Variants in TOPBP1 observed in about 807,000 individuals in gnomAD.
TOPBP1 encodes the protein DNA topoisomerase 2-binding protein 1.
TOPBP1 carries 28 observed loss-of-function variants against 167.7 expected under a neutral mutation model. The ratio of observed to expected loss-of-function variants is 0.17; its 90% confidence interval spans 0.12 to 0.23. The LOEUF (loss-of-function observed/expected upper bound fraction) is 0.23. TOPBP1 is among the 10% of genes least tolerant of loss of function. The probability of loss-of-function intolerance (pLI) is 1.00; values close to 1 mark genes in which losing one functional copy is unlikely to be tolerated. For missense variants in TOPBP1, 1,554 were observed against 1,809.6 expected (o/e 0.86, Z 2.56); for synonymous variants, 598 against 611.4 (o/e 0.98, Z 0.32).
intron 27 of TOPBP1, among the ~76,000 whole-genome samples, chr3:133,602,824 T>C (rs1183081448): frequency 2.6e-5 from 4 of 152,106 alleles, no homozygotes; most frequent in African/African-American, 9.7e-5. Flanking sequence ...TATAGTTTAC[T>C]GACCCCTGGT....
At chr3:133,642,413 C>A (rs1379630572) in intron 12 of TOPBP1, among the ~76,000 whole-genome samples, 1 of 152,164 alleles carries the variant, frequency 6.6e-6, no homozygotes, top group African/African-American at 2.4e-5. Flanking sequence ...ACCTTCTTTT[C>A]CATGCCCTTA....
chr3:133,656,483 C>T (rs1215143299), intron 5 of TOPBP1, among the ~76,000 whole-genome samples, 193 bp downstream of exon 5: 2 of 152,168 alleles, frequency 1.3e-5, no homozygotes, highest in Non-Finnish European at 2.9e-5. Context: ...AAACCCTTGG[C>T]CCATTCTATG....
chr3:133,616,847 G>T lies in TOPBP1; in HGVS notation c.3838C>A (p.Arg1280Ser). Residue 1280 changes from arginine to serine, a missense_variant, in exon 23 of 28, where the codon CGT (arginine) becomes AGT (serine). Around this residue, in one of 3 missense-constraint regions of TOPBP1, gnomAD observed 351 missense variants for 432.9 expected, o/e 0.81. Transcript: ENST00000260810. ...FQLSSLNPQE[R>S]IDYCHLIEKL... ...TCAATCAGATGACAATAGTCAATAC[G>T]TTCTTGAGGATTCAGAGATGATAAC... 6.4e-7 allele frequency: 1 copy of T among 1,553,616 alleles called. No individual in the cohort carries two copies. Among genetic ancestry groups the T allele is most frequent in the Non-Finnish European group, 8.7e-7 (1 of 1,152,464 alleles).
Position 133,649,784 on chromosome 3 carries a change from G to C in TOPBP1, c.1249C>G (p.His417Asp). 6.3e-7 allele frequency: 1 copy of C among 1,590,846 alleles called. No homozygotes were observed. Among genetic ancestry groups the C allele is most frequent in the Non-Finnish European group, 8.5e-7 (1 of 1,173,516 alleles). The change falls in exon 9 of 28, where the codon CAC becomes GAC. Residue 417 changes from histidine to aspartate, a missense_variant. Physicochemically the swap from His to Asp is moderately conservative, Grantham distance 81 (BLOSUM62 -1). Coordinates refer to ENST00000260810, the MANE Select transcript of TOPBP1 (RefSeq NM_007027.4). Reference sequence around the variant, plus strand: ...TGAATTAAAAACGAAAAAAACCTGTGGGCTGATTTATTCCAAAACTGCTTC... The same window carrying C: ...TGAATTAAAAACGAAAAAAACCTGTCGGCTGATTTATTCCAAAACTGCTTC... ...ELKQFWNKSA[H>D]RPHVVGAKWL...
chr3:133,649,281 T>C, intron 10 of TOPBP1, 102 bp downstream of exon 10: 1 of 1,417,806 alleles, frequency 7.1e-7, no homozygotes. Flanking sequence ...AAAAGGTTAA[T>C]TTAACTTAAA....
intron 25 of TOPBP1, among the ~76,000 whole-genome samples, chr3:133,610,035 T>C (rs1394450551): frequency 6.6e-6 from 1 of 152,140 alleles, no homozygotes; most frequent in Non-Finnish European, 1.5e-5. Flanking sequence ...AAAAACAAAT[T>C]TGTTGTGTAA....
chr3:133,656,658 T>C lies in TOPBP1; in HGVS notation c.545+18A>G. 6.4e-7 allele frequency: 1 copy of C among 1,571,372 alleles called. No homozygotes were observed. The highest frequency in any genetic ancestry group is 1.2e-5 in the South Asian group (1 of 84,104). ...ATCATTTTTTCAAATCTAGAAAATA[T>C]AAAAATGTCTTTCTTACTTCTCTTG... On this transcript the variant is annotated intron_variant, in intron 5 of 27. Coordinates refer to ENST00000260810, the MANE Select transcript of TOPBP1 (RefSeq NM_007027.4).
rs1179871293 is a variant in TOPBP1 at position 133,656,805 on chromosome 3, A to C, written c.416T>G (p.Leu139Arg). 6.2e-7 allele frequency: 1 copy of C among 1,612,152 alleles called. No homozygotes were observed. Among genetic ancestry groups the C allele is most frequent in the African/African-American group, 1.3e-5 (1 of 74,818 alleles). ...AATAAGGTGAGTTACTGATACATTA[A>C]GGTCTCTGTATACTCGTCCGCCCAT... Reference protein sequence around the residue: ...QMMGGRVYRDLNVSVTHLIAG... With the variant: ...QMMGGRVYRDRNVSVTHLIAG... The change falls in exon 5 of 28, where the codon CTT becomes CGT. Residue 139 changes from leucine (L) to arginine (R), a missense_variant. Physicochemically the swap from Leu to Arg is moderately radical, Grantham distance 102. Coordinates refer to ENST00000260810, the MANE Select transcript of TOPBP1 (RefSeq NM_007027.4).
At chr3:133,610,058 TTTATA>T (rs1325557444) in intron 25 of TOPBP1, among the ~76,000 whole-genome samples, 1 of 152,246 alleles carries the variant, frequency 6.6e-6, no homozygotes, top group African/African-American at 2.4e-5. Flanking sequence ...ATAGATGTGC[TTTATA>T]TTAAAGTAGC....
At chr3:133,605,358 G>C (rs1166709673) in intron 27 of TOPBP1, among the ~76,000 whole-genome samples, 2 of 152,080 alleles carry the variant, frequency 1.3e-5, no homozygotes, top group Admixed American at 6.6e-5. Flanking sequence ...ACAAAACAAT[G>C]AGAATTACAT....
chr3:133,638,729 T>G (rs1266290572), intron 13 of TOPBP1, among the ~76,000 whole-genome samples: 1 of 152,182 alleles, frequency 6.6e-6, no homozygotes, highest in Non-Finnish European at 1.5e-5. Flanking sequence ...TGCCCATGGA[T>G]GCTATTATCT....
Position 133,655,430 on chromosome 3 carries a change from AG to A in TOPBP1, c.601del (p.Gly202ValfsTer3). ...NMEDFKCPIF[L>X]GCIICVTGLC... The stretch of plus-strand genomic sequence containing the variant: ...GCCAGTCACACAGATTATGCAACCA[AG>A]AAAAATAGGACACTTGAAATCTTCC... On this transcript the variant is annotated frameshift_variant, in exon 6 of 28. Coordinates refer to ENST00000260810, the MANE Select transcript of TOPBP1 (RefSeq NM_007027.4). LOFTEE classifies it high-confidence loss of function. The A allele has an allele frequency of 6.3e-7, 1 of 1,599,630 alleles. No homozygotes were observed. Among genetic ancestry groups the A allele is most frequent in the South Asian group, 1.1e-5 (1 of 88,380 alleles).
chr3:133,625,147 A>G (rs998782601), intron 16 of TOPBP1, among the ~76,000 whole-genome samples: 1 of 152,108 alleles, frequency 6.6e-6, no homozygotes, highest in African/African-American at 2.4e-5. Flanking sequence ...TTGTATTTCT[A>G]GTAGAGATGG....
intron 27 of TOPBP1, among the ~76,000 whole-genome samples, chr3:133,604,952 C>T (rs1019047913): frequency 5.9e-5 from 9 of 151,528 alleles, no homozygotes; most frequent in Non-Finnish European, 1.0e-4. Flanking sequence ...AAACTCCAGT[C>T]CAGGTGGCTC....
chr3:133,653,506 G>A lies in TOPBP1; in HGVS notation c.761C>T (p.Ala254Val). ...QEPKGQKYEC[A>V]KRWNVHCVTT... is the part of the protein sequence containing the mutation. ...CACACAGTGTACATTCCATCTCTTG[G>A]CACACTCATACTTCTGACCTGTGGC... Residue 254 changes from alanine to valine, a missense_variant, in exon 7 of 28, where the codon GCC (alanine) becomes GTC (valine). Ala to Val is a moderately conservative substitution (Grantham distance 64). This residue lies in a region of TOPBP1 where 1,197 missense variants were observed against 1,351.5 expected (regional missense o/e 0.89). Transcript: ENST00000260810. 1 of 1,590,414 alleles carries A rather than the reference G, an allele frequency of 6.3e-7. No homozygotes were observed. Among genetic ancestry groups the A allele is most frequent in the East Asian group, 2.3e-5 (1 of 43,578 alleles).
At chr3:133,619,443 C>T (rs990159731) in intron 20 of TOPBP1, among the ~76,000 whole-genome samples, 2 of 152,112 alleles carry the variant, frequency 1.3e-5, no homozygotes, top group Non-Finnish European at 2.9e-5. Context: ...ATTCTTATCA[C>T]ACAATTATAG....
chr3:133,658,955 A>T (rs1936584296), intron 3 of TOPBP1, 61 bp downstream of exon 3: 2 of 1,508,430 alleles, frequency 1.3e-6, no homozygotes, highest in Non-Finnish European at 1.8e-6. Flanking sequence ...ATGTATGTCC[A>T]TTAAAGCAAA....
chr3:133,607,219 A>G (rs1393472878), intron 27 of TOPBP1, among the ~76,000 whole-genome samples: 3 of 152,074 alleles, frequency 2.0e-5, no homozygotes, highest in Admixed American at 2.0e-4. Context: ...AGCAACCGAA[A>G]CCCAGAAATC....
intron 21 of TOPBP1, chr3:133,618,009 G>A: frequency 1.9e-6 from 1 of 537,574 alleles, no homozygotes; most frequent in South Asian, 2.4e-5. Flanking sequence ...CCAAATTTAT[G>A]AAAATGTTTT....
Sources: gnomAD v4.1 joint callset for allele counts (sites outside exome capture counted in the v4.1 genomes callset) on GRCh38, gnomAD v4.1.1 for gene constraint, gnomAD v4.1.1 regional missense constraint, MANE v1.5 for transcripts, NCBI Gene and HGNC (gene_info 2026-07-23, HGNC 2026-07-21) for gene names.